SMTN: variants seen among roughly 807,000 people sequenced by gnomAD.
The protein encoded by SMTN is smoothelin.
A neutral mutation model predicts 102.0 loss-of-function variants in SMTN; 58 were observed. The observed-to-expected ratio is 0.57, with a 90% CI of 0.46 to 0.71. The LOEUF (loss-of-function observed/expected upper bound fraction) is 0.71. SMTN is among the 30% of genes least tolerant of loss of function. SMTN has a pLI of 0.00. For synonymous variants in SMTN, 478 were observed against 497.9 expected (o/e 0.96, Z 0.53); for missense variants, 1,185 against 1,241.7 (o/e 0.95, Z 0.69).
chr22:31,097,241 A>ACCTGGTG, intron 15 of SMTN, 28 bp from the exon 16 acceptor site: 1 of 1,612,288 alleles, frequency 6.2e-7, no homozygotes, highest in African/African-American at 1.3e-5. Flanking sequence ...CCAGGCCCTC[A>ACCTGGTG]CCTGGTGCCC....
chr22:31,092,418 C>T (rs1393767028), intron 11 of SMTN: 2 of 468,288 alleles, frequency 4.3e-6, no homozygotes, highest in Non-Finnish European at 8.9e-6. Flanking sequence ...CTAGCAGGTG[C>T]CTTGGGAACT....
upstream of SMTN, among the ~76,000 whole-genome samples, chr22:31,076,819 C>T (rs1232196338): frequency 6.6e-6 from 1 of 152,098 alleles, no homozygotes; most frequent in Non-Finnish European, 1.5e-5. Context: ...GAAGGGTTTG[C>T]TGGGATCCCA....
intron 16 of SMTN, 91 bp from the exon 17 acceptor site, chr22:31,098,576 T>C: frequency 1.6e-6 from 2 of 1,230,290 alleles, no homozygotes; most frequent in Non-Finnish European, 2.2e-6. Context: ...ACTAGTGTGC[T>C]ACAAGACCCC....
In SMTN at chr22:31,090,814, C is replaced by T. The variant is rs2043069944; in HGVS notation, c.872C>T (p.Ala291Val). The change falls in exon 9 of 21, where the codon GCT (alanine) becomes GTT (valine). Residue 291 changes from alanine to valine, a missense_variant. By Grantham distance (64) the Ala-to-Val change is moderately conservative. This residue lies in a region of SMTN where 1,096 missense variants were observed against 1,112.7 expected (regional missense o/e 0.98). Transcript: ENST00000333137. ...CCCCTCCCCAACCTGCCAGACGTGG[C>T]TGGACCCCGACCCTGCCAACGCTCC... is the stretch of plus-strand genomic sequence containing the variant. ...GPSDTKRADV[A>V]GPRPCQRSLS... 2.5e-6 allele frequency: 4 copies of T among 1,613,500 alleles called. No individual in the cohort carries two copies. The highest frequency in any genetic ancestry group is 1.3e-5 in the African/African-American group (1 of 74,862).
At position 31,091,138 on chromosome 22, in the gene SMTN, C is replaced by A. The variant is rs149616349; in HGVS notation, c.1115C>A (p.Thr372Asn). The change falls in exon 10 of 21, where the codon ACC becomes AAC. Residue 372 changes from threonine to asparagine, a missense_variant. Thr to Asn is a moderately conservative substitution (Grantham distance 65). Coordinates refer to ENST00000333137, the MANE Select transcript of SMTN (RefSeq NM_134269.3). ...ARLLGPSLTS[T>N]TPASSSSGSS... is the part of the protein sequence containing the mutation. ...CTCCTGGGCCCCTCCCTCACCAGCACCACCCCTGCCTCCTCCTCCAGCGGC... is the reference window on the plus strand; with the variant it reads ...CTCCTGGGCCCCTCCCTCACCAGCAACACCCCTGCCTCCTCCTCCAGCGGC... The A allele has an allele frequency of 6.2e-7, 1 of 1,613,864 alleles. No individual in the cohort carries two copies. The highest frequency in any genetic ancestry group is 8.5e-7 in the Non-Finnish European group (1 of 1,179,862).
rs774647181 is a variant in SMTN, at chr22:31,091,390, G to A, written c.1367G>A (p.Ser456Asn). The A allele has an allele frequency of 1.9e-6, 3 of 1,595,546 alleles. No homozygotes were observed. The highest frequency in any genetic ancestry group is 1.7e-5 in the Admixed American group (1 of 57,294). ...VAVGTAEPGG[S>N]MKTTFTIEIK... ...GTCGGCACTGCCGAGCCAGGGGGCA[G>A]TATGAAGACCACATTCACCATCGAG... is the stretch of plus-strand genomic sequence containing the variant. Residue 456 changes from serine to asparagine, a missense_variant, in exon 10 of 21, where the codon AGT becomes AAT. Coordinates refer to ENST00000333137, the MANE Select transcript of SMTN (RefSeq NM_134269.3).
At chr22:31,103,617 GA>G (rs1318773879) in intron 20 of SMTN, 1 of 152,520 alleles carries the variant, frequency 6.6e-6, no homozygotes, top group Non-Finnish European at 1.5e-5. Flanking sequence ...AGGATGGCCA[GA>G]AGGGTGGTCC....
intron 1 of SMTN, among the ~76,000 whole-genome samples, chr22:31,071,497 G>A (rs1441357868): frequency 6.6e-6 from 1 of 151,744 alleles, no homozygotes; most frequent in East Asian, 1.9e-4. Flanking sequence ...AATTAGTTGG[G>A]CATAGTGGCA....
At chr22:31,104,153 T>G in intron 20 of SMTN, 163 bp from the exon 21 acceptor site, 1 of 735,456 alleles carries the variant, frequency 1.4e-6, no homozygotes, top group African/African-American at 1.8e-5. Flanking sequence ...CAGGCTTGGG[T>G]AGATGAAGCC....
Position 31,089,683 on chromosome 22 carries a change from T to C in SMTN, c.472-16T>C. On this transcript the variant is annotated splice_polypyrimidine_tract_variant and intron_variant, in intron 6 of 20. Transcript: ENST00000333137. ...AGCCTAGGGAGCCTTGGTTGCATCC[T>C]GTGGGTCCCTTACAGGTGCCAGAGC... The C allele has an allele frequency of 1.3e-6, 2 of 1,586,420 alleles. No homozygotes were observed. Among genetic ancestry groups the C allele is most frequent in the Non-Finnish European group, 1.7e-6 (2 of 1,170,364 alleles).
chr22:31,082,989 C>T (rs1217258024), intron 1 of SMTN, 190 bp from the exon 2 acceptor site: 1 of 1,436,452 alleles, frequency 7.0e-7, no homozygotes, highest in East Asian at 2.5e-5. Flanking sequence ...CAGAGACCCC[C>T]TACCCTGGGT....
chr22:31,099,483 T>TG, intron 18 of SMTN: 1 of 584,544 alleles, frequency 1.7e-6, no homozygotes, highest in Non-Finnish European at 3.0e-6. Context: ...TTTCTCTAAA[T>TG]GAGGGAAGGA....
chr22:31,075,531 A>C (rs1374194008), intron 1 of SMTN, among the ~76,000 whole-genome samples: 2 of 151,996 alleles, frequency 1.3e-5, no homozygotes, highest in East Asian at 3.9e-4. Flanking sequence ...AAATACAAAA[A>C]TTAGCCAGGC....
Position 31,100,891 on chromosome 22 carries a change from T to C in SMTN, c.2610T>C (p.His870=), listed in dbSNP as rs922453550. ...GGCCCCCTACCCTCCCCAGGACCCA[T>C]GCGGACTGCCCGCAGCTCCTGGATA... ...FEVAFSSAET[H]ADCPQLLDTE... Residue 870 remains histidine (H), a synonymous_variant, in exon 20 of 21, where the codon CAT becomes CAC. Coordinates refer to ENST00000333137, the MANE Select transcript of SMTN (RefSeq NM_134269.3). The C allele has an allele frequency of 1.9e-6, 2 of 1,068,960 alleles. No homozygotes were observed. Among genetic ancestry groups the C allele is most frequent in the African/African-American group, 1.7e-5 (1 of 57,724 alleles). The allele number at this position is 1,068,960 out of a possible 1,614,324, so 66.2% of individuals were successfully genotyped here.
chr22:31,079,178 G>A (rs1464793877), upstream of SMTN, among the ~76,000 whole-genome samples: 1 of 152,214 alleles, frequency 6.6e-6, no homozygotes, highest in East Asian at 1.9e-4. Context: ...TGGGGCCCTC[G>A]TCACGGGATG....
chr22:31,093,469 G>A, intron 11 of SMTN: 1 of 600,760 alleles, frequency 1.7e-6, no homozygotes, highest in Non-Finnish European at 3.1e-6. Context: ...ACCAGGGCCT[G>A]GGCCTGAGCT....
chr22:31,075,813 GGTTTTT>G (rs1175465424), intron 1 of SMTN, among the ~76,000 whole-genome samples: 1 of 152,084 alleles, frequency 6.6e-6, no homozygotes, highest in Non-Finnish European at 1.5e-5. Flanking sequence ...TATTTTAAAG[GGTTTTT>G]GTTTTGTTTT....
intron 8 of SMTN, among the ~76,000 whole-genome samples, chr22:31,090,392 C>T (rs956983511): frequency 4.0e-5 from 6 of 151,532 alleles, no homozygotes; most frequent in African/African-American, 1.5e-4. Context: ...TCCCCTGCAG[C>T]CTTGAAAGGC....
At chr22:31,100,095 C>T (rs1022609264) in intron 19 of SMTN, among the ~76,000 whole-genome samples, 199 bp downstream of exon 19, 4 of 151,294 alleles carry the variant, frequency 2.6e-5, no homozygotes, top group Admixed American at 6.6e-5. Flanking sequence ...CCCGCCGGAA[C>T]GAAGGAGCCG....
Sources: gnomAD v4.1 joint callset for allele counts (sites outside exome capture counted in the v4.1 genomes callset) on GRCh38, gnomAD v4.1.1 for gene constraint, gnomAD v4.1.1 regional missense constraint, MANE v1.5 for transcripts, NCBI Gene and HGNC (gene_info 2026-07-23, HGNC 2026-07-21) for gene names.